Variants in RELT observed in about 807,000 individuals in gnomAD.
RELT encodes RELT TNF receptor.
A neutral mutation model predicts 51.1 loss-of-function variants in RELT; 37 were observed. The observed-to-expected ratio is 0.72, with a 90% CI of 0.56 to 0.95. The LOEUF is 0.95. Ranked by LOEUF, RELT falls within the 40% of genes least tolerant of loss-of-function variation. The pLI is 0.00. For missense variants in RELT, 535 were observed against 572.6 expected (o/e 0.93, Z 0.67); for synonymous variants, 241 against 235.7 (o/e 1.02, Z -0.21).
chr11:73,393,257 G>C (rs1210729054), intron 6 of RELT: 2 of 1,012,544 alleles, frequency 2.0e-6, no homozygotes, highest in Non-Finnish European at 2.4e-6. Flanking sequence ...GCCTGGGACT[G>C]TGCTTGTTTT....
chr11:73,386,508 G>A (rs1052144160), intron 1 of RELT, among the ~76,000 whole-genome samples: 20 of 152,206 alleles, frequency 1.3e-4, no homozygotes, highest in Admixed American at 6.5e-5. Context: ...CTACCTGACC[G>A]GGCAAGTCCA....
At position 73,388,057 on chromosome 11, in the gene RELT, G is replaced by A. The variant is rs1446591143; in HGVS notation, c.-25-1055G>A. 6.6e-6 allele frequency among the ~76,000 whole-genome samples: 1 copy of A among 152,204 alleles called. No individual in the cohort carries two copies. The highest frequency in any genetic ancestry group is 2.4e-5 in the African/African-American group (1 of 41,448). ...GTGAATCCTTTGTCCTGCTGTGTCCGCCTCGTCCACTGGCCGGAGGCTTCT... is the reference window on the plus strand; with the variant it reads ...GTGAATCCTTTGTCCTGCTGTGTCCACCTCGTCCACTGGCCGGAGGCTTCT... On this transcript the variant is annotated intron_variant, in intron 1 of 10. Transcript: ENST00000064780. This position sits in a 1 kb window ranked among gnomAD's most constrained non-coding sequence, Gnocchi z 4.1.
chr11:73,391,176 C>A lies in RELT; in HGVS notation c.320C>A (p.Pro107Gln), dbSNP rs1161684944. 6.2e-7 allele frequency: 1 copy of A among 1,613,842 alleles called. No homozygotes were observed. The highest frequency in any genetic ancestry group is 1.3e-5 in the African/African-American group (1 of 74,922). The change falls in exon 5 of 11, where the codon CCA (proline) becomes CAA (glutamine). Residue 107 changes from proline to glutamine, a missense_variant. Physicochemically the swap from Pro to Gln is moderately conservative, Grantham distance 76. Transcript: ENST00000064780. Reference protein sequence around the residue: ...WFGPWGVPRVPCQPCSWAPLG... With the variant: ...WFGPWGVPRVQCQPCSWAPLG... Reference sequence around the variant, plus strand: ...GGGCCTTGGGGGGTTCCCCGCGTTCCATGTCAACCATGTTCCTGGGCACCT... The same window carrying A: ...GGGCCTTGGGGGGTTCCCCGCGTTCAATGTCAACCATGTTCCTGGGCACCT...
chr11:73,392,710 A>C, intron 6 of RELT: 1 of 1,414,790 alleles, frequency 7.1e-7, no homozygotes, highest in South Asian at 1.5e-5. Context: ...CCCTGGGTGA[A>C]GCCTTGCCCA....
chr11:73,393,770 A>G, intron 6 of RELT, 67 bp from the exon 7 acceptor site: 2 of 1,583,576 alleles, frequency 1.3e-6, no homozygotes, highest in Non-Finnish European at 1.7e-6. Flanking sequence ...CTGCTGGCAG[A>G]TCATGGTTTA....
At chr11:73,382,835 A>T (rs1866069876) in intron 1 of RELT, among the ~76,000 whole-genome samples, 1 of 152,178 alleles carries the variant, frequency 6.6e-6, no homozygotes, top group Non-Finnish European at 1.5e-5. Context: ...GTCTGGTCTC[A>T]GACATCCCTC....
At chr11:73,376,882 G>A (rs767677125) in intron 1 of RELT, 174 of 153,398 alleles carry the variant, frequency 1.1e-3, no homozygotes, top group Middle Eastern at 3.2e-3. Context: ...TGTGGTGCGG[G>A]CTGGACGGCG....
intron 1 of RELT, among the ~76,000 whole-genome samples, chr11:73,378,951 C>T (rs910402550): frequency 2.6e-5 from 4 of 152,172 alleles, no homozygotes; most frequent in Admixed American, 2.6e-4. Context: ...GCTCTAGAGG[C>T]ATTTCCCCAA....
chr11:73,386,056 C>T (rs1487821815), intron 1 of RELT, among the ~76,000 whole-genome samples: 3 of 152,206 alleles, frequency 2.0e-5, no homozygotes, highest in Non-Finnish European at 4.4e-5. Flanking sequence ...TCCCCAAAAA[C>T]TTCGCGACAG....
Position 73,394,139 on chromosome 11 carries a change from T to C in RELT, c.707-97T>C. 8.7e-7 allele frequency: 1 copy of C among 1,145,598 alleles called. No homozygotes were observed. The highest frequency in any genetic ancestry group is 1.4e-5 in the South Asian group (1 of 73,520). 71.0% of individuals were successfully genotyped at this position (1,145,598 alleles called of 1,614,324 possible). A position where few individuals can be genotyped will look rare whatever the true frequency, so the allele number is the denominator to read the frequency against. ...GGCGCACAGCCCAGGCTGGGAGTGG[T>C]GGTATGGAGGGTAGGTGGGGGGTTC... On this transcript the variant is annotated intron_variant, in intron 7 of 10. Coordinates refer to ENST00000064780, the MANE Select transcript of RELT (RefSeq NM_152222.2). The surrounding 1 kb of genome is among the most constrained non-coding windows in gnomAD (Gnocchi z 4.9).
intron 1 of RELT, among the ~76,000 whole-genome samples, chr11:73,386,566 G>A (rs1866127135): frequency 6.6e-6 from 1 of 151,720 alleles, no homozygotes; most frequent in South Asian, 2.1e-4. Flanking sequence ...AGCCAGACTG[G>A]AGTAAGTGCT....
chr11:73,393,526 G>T, intron 6 of RELT: 1 of 1,299,332 alleles, frequency 7.7e-7, no homozygotes, highest in South Asian at 1.4e-5. Flanking sequence ...AGGAGACAGT[G>T]CAGACCCAGA....
Position 73,388,382 on chromosome 11 carries a change from C to A in RELT, c.-25-730C>A, listed in dbSNP as rs1866157003. On this transcript the variant is annotated intron_variant, in intron 1 of 10. Transcript: ENST00000064780. The surrounding 1 kb of genome is among the most constrained non-coding windows in gnomAD (Gnocchi z 4.1). ...CAGAGCACTGGCTGCCGTGACCACC[C>A]CAGCCCCATAGGTCTGCCAGGGGAA... is the stretch of plus-strand genomic sequence containing the variant. Among the ~76,000 whole-genome samples the A allele has an allele frequency of 6.6e-6, 1 of 152,196 alleles. No individual in the cohort carries two copies. The highest frequency in any genetic ancestry group is 2.4e-5 in the African/African-American group (1 of 41,440).
At chr11:73,391,419 T>C (rs563239462) in intron 5 of RELT, among the ~76,000 whole-genome samples, 196 bp downstream of exon 5, 2 of 152,290 alleles carry the variant, frequency 1.3e-5, no homozygotes, top group East Asian at 3.9e-4. Flanking sequence ...CCCACCATGC[T>C]TCCGAGTGGC....
intron 1 of RELT, among the ~76,000 whole-genome samples, chr11:73,377,697 C>A (rs1053897167): frequency 6.9e-6 from 1 of 145,780 alleles, no homozygotes; most frequent in African/African-American, 2.5e-5. Flanking sequence ...CCGCCCCCCT[C>A]CCCCGCGCAG....
At chr11:73,382,345 T>G (rs1866063016) in intron 1 of RELT, among the ~76,000 whole-genome samples, 1 of 152,136 alleles carries the variant, frequency 6.6e-6, no homozygotes, top group South Asian at 2.1e-4. Context: ...TCAGGGTGAT[T>G]GGGGGCAGGG....
chr11:73,378,156 C>T (rs1320016734), intron 1 of RELT, among the ~76,000 whole-genome samples: 9 of 152,164 alleles, frequency 5.9e-5, no homozygotes, highest in African/African-American at 2.2e-4. Context: ...GGAGCGGTAC[C>T]CTTTCGCCAT....
rs1163864256 is a variant in RELT, at chr11:73,396,886, A to T, written c.*1395A>T. On this transcript the variant is annotated 3_prime_UTR_variant, in exon 11 of 11. Coordinates refer to ENST00000064780, the MANE Select transcript of RELT (RefSeq NM_152222.2). ...AGTGTGAGCCACATATGTGACTTTAAATTTTCTGACAGTCACATTTCAAAA... is the reference window on the plus strand; with the variant it reads ...AGTGTGAGCCACATATGTGACTTTATATTTTCTGACAGTCACATTTCAAAA... The T allele has an allele frequency of 6.6e-6, 1 of 152,194 alleles. No homozygotes were observed. Among genetic ancestry groups the T allele is most frequent in the Non-Finnish European group, 1.5e-5 (1 of 68,040 alleles). 9.4% of individuals were successfully genotyped at this position (152,194 alleles called of 1,614,324 possible).
At position 73,392,474 on chromosome 11, in the gene RELT, G is replaced by A. The variant is rs752294935; in HGVS notation, c.625+6G>A. On this transcript the variant is annotated splice_donor_region_variant and intron_variant, in intron 6 of 10. Coordinates refer to ENST00000064780, the MANE Select transcript of RELT (RefSeq NM_152222.2). The stretch of plus-strand genomic sequence containing the variant: ...CCCTGGAGGTGGAGGCAGTGGTGAG[G>A]CCCAGCTGGGGTCCAGGTGGGAAGG... 3.1e-6 allele frequency: 5 copies of A among 1,609,652 alleles called. No individual in the cohort carries two copies. The South Asian group carries it at 5.5e-5, about 18-fold the overall frequency.
Sources: allele counts gnomAD v4.1 joint callset (sites outside exome capture counted in the v4.1 genomes callset), GRCh38; gene constraint gnomAD v4.1.1; non-coding constraint Gnocchi (gnomAD v3.1); transcripts MANE v1.5; gene names NCBI Gene and HGNC (gene_info 2026-07-23, HGNC 2026-07-21).